The following FRMD4B variants were observed in gnomAD, a reference collection of about 807,000 sequenced individuals.
FRMD4B encodes the protein FERM domain-containing protein 4B.
In FRMD4B, 74 loss-of-function variants were observed where a neutral mutation model predicts 141.5. The observed-to-expected ratio is 0.52, with a 90% CI of 0.43 to 0.63. FRMD4B has a LOEUF of 0.63. FRMD4B is among the 30% of genes least tolerant of loss of function. The pLI is 0.00. For missense variants in FRMD4B, 1,366 were observed against 1,253.4 expected (o/e 1.09, Z -1.36); for synonymous variants, 506 against 467.9 (o/e 1.08, Z -1.05).
At chr3:69,431,723 C>A (rs1705183196) in intron 2 of FRMD4B, among the ~76,000 whole-genome samples, 1 of 152,216 alleles carries the variant, frequency 6.6e-6, no homozygotes, top group Admixed American at 6.5e-5. Flanking sequence ...AGGGCAAGAT[C>A]TCCAGAGTCG....
rs904348888 is a variant in FRMD4B at position 69,487,884 on chromosome 3, G to T, written c.-129+54322C>A. 2.6e-5 allele frequency among the ~76,000 whole-genome samples: 4 copies of T among 152,104 alleles called. No homozygotes were observed. In the South Asian group the frequency reaches 8.3e-4, roughly 32 times the overall value. Reference sequence around the variant, plus strand: ...TACTTCAAAAACCTTGCTAAATTGAGAAATCACTACCCTTGAATTTGTGAT... The same window carrying T: ...TACTTCAAAAACCTTGCTAAATTGATAAATCACTACCCTTGAATTTGTGAT... On this transcript the variant is annotated intron_variant, in intron 1 of 5. Coordinates refer to the FRMD4B transcript ENST00000459638.
At chr3:69,314,048 A>AGAATG (rs1701706587) in intron 1 of FRMD4B, among the ~76,000 whole-genome samples, 1 of 138,780 alleles carries the variant, frequency 7.2e-6, no homozygotes, top group Admixed American at 7.6e-5. Context: ...CTGAGGCAGG[A>AGAATG]GAATGGCGTG....
At chr3:69,245,335 GT>G (rs2093415869) in intron 7 of FRMD4B, among the ~76,000 whole-genome samples, 1 of 149,336 alleles carries the variant, frequency 6.7e-6, no homozygotes, top group Non-Finnish European at 1.5e-5. Context: ...GTGTGTGTGT[GT>G]GTGTGTGTGT....
chr3:69,335,115 CT>C (rs2107348273), intron 1 of FRMD4B, among the ~76,000 whole-genome samples: 1 of 152,294 alleles, frequency 6.6e-6, no homozygotes, highest in South Asian at 2.1e-4. Context: ...ATGCCCTGAG[CT>C]ATGAGCTATG....
chr3:69,493,996 C>A (rs577603688), intron 1 of FRMD4B, among the ~76,000 whole-genome samples: 7 of 152,284 alleles, frequency 4.6e-5, no homozygotes, highest in Non-Finnish European at 1.0e-4. Context: ...CTCACCTCAG[C>A]CTCTGGAGTA....
chr3:69,514,966 T>C (rs1415952674), intron 1 of FRMD4B, among the ~76,000 whole-genome samples: 2 of 152,216 alleles, frequency 1.3e-5, no homozygotes, highest in African/African-American at 2.4e-5. Flanking sequence ...TAAAAACATA[T>C]TATAAAACTG....
chr3:69,224,609 G>T lies in FRMD4B; in HGVS notation c.663C>A (p.Tyr221Ter). ...CCTGTTATGTGGATTTGGCTTACCA[G>T]TAGGCAAGGGATGGATGCTCCTGAA... ...KTLQEHPSLA[Y>*]CEDRVIEHYL... Residue 221 changes from tyrosine to a stop codon, truncating the protein, a stop_gained and splice_region_variant, in exon 8 of 23, where the codon TAC (tyrosine) becomes TAA (stop). Coordinates refer to ENST00000398540, the MANE Select transcript of FRMD4B (RefSeq NM_015123.3). LOFTEE classifies it high-confidence loss of function. 6.6e-7 allele frequency: 1 copy of T among 1,508,130 alleles called. No individual in the cohort carries two copies. Among genetic ancestry groups the T allele is most frequent in the African/African-American group, 1.4e-5 (1 of 73,268 alleles). The allele number at this position is 1,508,130 out of a possible 1,614,324, so 93.4% of individuals were successfully genotyped here.
intron 4 of FRMD4B, among the ~76,000 whole-genome samples, chr3:69,300,290 G>A (rs116260948): frequency 0.015 from 2,357 of 152,256 alleles, 66 homozygotes; most frequent in African/African-American, 0.053. Flanking sequence ...AGACTATTAT[G>A]ATTCTCACTA....
At chr3:69,340,242 G>A (rs1000576893) in intron 1 of FRMD4B, among the ~76,000 whole-genome samples, 1 of 152,010 alleles carries the variant, frequency 6.6e-6, no homozygotes, top group African/African-American at 2.4e-5. Flanking sequence ...GGGGTTTGGT[G>A]TACAGATGAT....
chr3:69,340,389 C>A (rs1702698743), intron 1 of FRMD4B, among the ~76,000 whole-genome samples: 1 of 152,136 alleles, frequency 6.6e-6, no homozygotes, highest in African/African-American at 2.4e-5. Context: ...TTATTTAGCT[C>A]CCACTTACAA....
intron 1 of FRMD4B, among the ~76,000 whole-genome samples, chr3:69,379,350 C>T (rs1220532702): frequency 6.6e-6 from 1 of 152,174 alleles, no homozygotes; most frequent in Non-Finnish European, 1.5e-5. Flanking sequence ...ACAATCTCAG[C>T]TCACTGCAGC....
intron 1 of FRMD4B, among the ~76,000 whole-genome samples, chr3:69,537,407 C>T (rs553180848): frequency 4.1e-4 from 62 of 152,314 alleles, no homozygotes; most frequent in Non-Finnish European, 7.1e-4. Flanking sequence ...TTGCCCTAGG[C>T]TTTAAGGAGG....
rs568475382 is a variant in FRMD4B, at chr3:69,511,613, C to T, written c.-129+30593G>A. 3.3e-5 allele frequency among the ~76,000 whole-genome samples: 5 copies of T among 152,312 alleles called. No homozygotes were observed. The South Asian group carries it at 1.0e-3, about 32-fold the overall frequency. ...CCTTCAGGCCACCCCCAGCCAATGGCTCCCATTCCTATCAGACGCAGAACT... is the reference window on the plus strand; with the variant it reads ...CCTTCAGGCCACCCCCAGCCAATGGTTCCCATTCCTATCAGACGCAGAACT... On this transcript the variant is annotated intron_variant, in intron 1 of 5. Coordinates refer to the FRMD4B transcript ENST00000459638.
intron 1 of FRMD4B, among the ~76,000 whole-genome samples, chr3:69,321,653 G>A (rs1299662075): frequency 2.0e-5 from 3 of 152,174 alleles, no homozygotes; most frequent in Non-Finnish European, 4.4e-5. Context: ...AATATCTGCT[G>A]AGTTAAGAAA....
At chr3:69,277,429 C>A (rs1416273440) in intron 5 of FRMD4B, among the ~76,000 whole-genome samples, 1 of 151,488 alleles carries the variant, frequency 6.6e-6, no homozygotes, top group African/African-American at 2.4e-5. Flanking sequence ...TAGAGCAACA[C>A]CCAGGAGGCT....
intron 1 of FRMD4B, among the ~76,000 whole-genome samples, chr3:69,437,473 G>A (rs973959449): frequency 6.9e-6 from 1 of 145,410 alleles, no homozygotes; most frequent in Non-Finnish European, 1.5e-5. Context: ...GTATATACTA[G>A]TATACTATTC....
At chr3:69,479,264 T>C (rs932742236) in intron 1 of FRMD4B, among the ~76,000 whole-genome samples, 14 of 150,630 alleles carry the variant, frequency 9.3e-5, no homozygotes, top group Non-Finnish European at 1.5e-5. Flanking sequence ...GTTAGCTGGT[T>C]ATTTTGTTCG....
intron 1 of FRMD4B, among the ~76,000 whole-genome samples, chr3:69,456,334 CTA>C (rs1256605556): frequency 6.6e-6 from 1 of 152,088 alleles, no homozygotes; most frequent in African/African-American, 2.4e-5. Context: ...TAGCAAAAGA[CTA>C]AAAAAATTCA....
At position 69,499,935 on chromosome 3, in the gene FRMD4B, C is replaced by G. The variant is rs373157789; in HGVS notation, c.-129+42271G>C. On this transcript the variant is annotated intron_variant, in intron 1 of 5. Coordinates refer to the FRMD4B transcript ENST00000459638. Reference sequence around the variant, plus strand: ...TGTGTCTGAAGCCCACTTCCTGGATCTGGCTTCACGGCTTGGTCAAGAAGA... The same window carrying G: ...TGTGTCTGAAGCCCACTTCCTGGATGTGGCTTCACGGCTTGGTCAAGAAGA... Among the ~76,000 whole-genome samples the G allele has an allele frequency of 1.8e-4, 27 of 152,368 alleles. No homozygotes were observed. In the South Asian group the frequency reaches 2.3e-3, roughly 13 times the overall value.
Sources: gnomAD v4.1 joint callset for allele counts (sites outside exome capture counted in the v4.1 genomes callset) on GRCh38, gnomAD v4.1.1 for gene constraint, MANE v1.5 for transcripts, NCBI Gene and HGNC (gene_info 2026-07-23, HGNC 2026-07-21) for gene names.